The following ANKMY1 variants were observed in gnomAD, a reference collection of about 807,000 sequenced individuals.
ANKMY1 encodes the protein ankyrin repeat and MYND domain-containing protein 1.
In ANKMY1, 98 loss-of-function variants were observed where a neutral mutation model predicts 102.0. That is an observed-to-expected ratio of 0.96 (90% CI 0.82 to 1.14). The LOEUF (loss-of-function observed/expected upper bound fraction) is 1.14. Among genes scored for constraint, ANKMY1 ranks in the 50% most tolerant of loss-of-function variants. The pLI is 0.00. For synonymous variants in ANKMY1, 582 were observed against 559.9 expected, an observed-to-expected ratio of 1.04 and a Z score of -0.56; for missense variants, 1,330 against 1,347.6, an observed-to-expected ratio of 0.99 and a Z score of 0.20.
chr2:240,559,514 T>C (rs2092755838), upstream of ANKMY1, among the ~76,000 whole-genome samples: 1 of 152,176 alleles, frequency 6.6e-6, no homozygotes, highest in Non-Finnish European at 1.5e-5. Context: ...GCCTTCACTT[T>C]TGGCCAGAGA....
At chr2:240,555,127 C>T in intron 2 of ANKMY1, 72 bp from the exon 3 acceptor site, 2 of 1,496,672 alleles carry the variant, frequency 1.3e-6, no homozygotes, top group South Asian at 1.2e-5. Context: ...TGAGCACAAC[C>T]CCCGAGCACA....
intron 9 of ANKMY1, among the ~76,000 whole-genome samples, chr2:240,516,409 C>G: frequency 6.6e-6 from 1 of 152,058 alleles, no homozygotes; most frequent in Non-Finnish European, 1.5e-5. Context: ...TTGTCAAATG[C>G]AAAGTGGTGT....
In ANKMY1 at chr2:240,557,953, G is replaced by C. The variant is rs952017353; in HGVS notation, c.-90C>G. On this transcript the variant is annotated 5_prime_UTR_variant, in exon 1 of 18. Coordinates refer to ENST00000401804, the MANE Select transcript of ANKMY1 (RefSeq NM_001282771.3). ...GACTGCAGCCACCGCGGACGCCCGCGCTCCCGTCCCGACTGCTTGCCAGCC... is the reference window on the plus strand; with the variant it reads ...GACTGCAGCCACCGCGGACGCCCGCCCTCCCGTCCCGACTGCTTGCCAGCC... The C allele has an allele frequency of 3.0e-5, 30 of 985,640 alleles. No homozygotes were observed. Among genetic ancestry groups the C allele is most frequent in the Non-Finnish European group, 3.6e-5 (30 of 830,080 alleles). 61.1% of individuals were successfully genotyped at this position (985,640 alleles called of 1,614,324 possible).
chr2:240,512,950 G>A lies in ANKMY1; in HGVS notation c.2005-8C>T, dbSNP rs1288062901. 6 of 1,610,276 alleles carry A rather than the reference G, an allele frequency of 3.7e-6. No individual in the cohort carries two copies. The highest frequency in any genetic ancestry group is 5.1e-6 in the Non-Finnish European group (6 of 1,177,820). On this transcript the variant is annotated splice_region_variant and splice_polypyrimidine_tract_variant and intron_variant, in intron 9 of 17. Transcript: ENST00000401804. Reference sequence around the variant, plus strand: ...TGGTGTCAGGGTGCTCAGCTGCAGAGGAAACACCGGGGCGGGCAGTGAGGC... The same window carrying A: ...TGGTGTCAGGGTGCTCAGCTGCAGAAGAAACACCGGGGCGGGCAGTGAGGC...
rs1380030982 is a variant in ANKMY1 at position 240,483,139 on chromosome 2, TTGTC to T, written c.2807-882_2807-879del. ...CATGTTAGTTTTTCATCCTTTTACT[TTGTC>T]TGTTTGTATCATCGAATTTTTTTTT... On this transcript the variant is annotated intron_variant, in intron 15 of 17. Transcript: ENST00000401804. Among the ~76,000 whole-genome samples, 14 of 152,244 alleles carry T rather than the reference TTGTC, an allele frequency of 9.2e-5. No individual in the cohort carries two copies. The East Asian group carries it at 2.5e-3, about 27-fold the overall frequency.
At chr2:240,547,106 T>G (rs1268481893) in intron 4 of ANKMY1, among the ~76,000 whole-genome samples, 2 of 152,146 alleles carry the variant, frequency 1.3e-5, no homozygotes, top group Admixed American at 1.3e-4. Flanking sequence ...ACCACATACT[T>G]GGAAGTAAAG....
chr2:240,511,894 C>A lies in ANKMY1; in HGVS notation c.2253G>T (p.Leu751=). The A allele has an allele frequency of 6.3e-7, 1 of 1,591,122 alleles. No homozygotes were observed. The highest frequency in any genetic ancestry group is 8.5e-7 in the Non-Finnish European group (1 of 1,174,488). The part of the protein sequence containing the change: ...ALPEEGGRTA[L]HMACEREDDN... ...CATCCTCCCGCTCGCAGGCCATGTG[C>A]AGAGCCGTCCTGCCCCCCTCCTCCG... Residue 751 remains leucine (L), a synonymous_variant, in exon 11 of 18, where the codon CTG becomes CTT. Coordinates refer to ENST00000401804, the MANE Select transcript of ANKMY1 (RefSeq NM_001282771.3).
chr2:240,486,074 T>C (rs1335884100), intron 15 of ANKMY1, among the ~76,000 whole-genome samples: 2 of 152,234 alleles, frequency 1.3e-5, no homozygotes, highest in Non-Finnish European at 2.9e-5. Flanking sequence ...TATAATTTTA[T>C]GTATTCTAAA....
chr2:240,543,271 T>C (rs2089468932), intron 4 of ANKMY1, among the ~76,000 whole-genome samples: 2 of 151,114 alleles, frequency 1.3e-5, no homozygotes, highest in Non-Finnish European at 1.5e-5. Context: ...GAGAATGGCA[T>C]GAACCTGGGA....
the ANKMY1 span, among the ~76,000 whole-genome samples, chr2:240,468,641 C>T: frequency 1.3e-5 from 2 of 152,326 alleles, no homozygotes; most frequent in East Asian, 1.9e-4. Flanking sequence ...CTGGGTGTGT[C>T]CCTCAACTGC....
intron 7 of ANKMY1, among the ~76,000 whole-genome samples, chr2:240,525,119 C>T (rs2083089995): frequency 6.6e-6 from 1 of 152,270 alleles, no homozygotes; most frequent in Non-Finnish European, 1.5e-5. Context: ...GTCCTAGTTC[C>T]TGTTTTCTTA....
chr2:240,511,898 G>T lies in ANKMY1; in HGVS notation c.2249C>A (p.Ala750Asp). The stretch of plus-strand genomic sequence containing the variant: ...CTCCCGCTCGCAGGCCATGTGCAGA[G>T]CCGTCCTGCCCCCCTCCTCCGGGAG... ...TALPEEGGRTALHMACEREDD... is the reference protein window; with the variant it reads ...TALPEEGGRTDLHMACEREDD... The change falls in exon 11 of 18, where the codon GCT (alanine) becomes GAT (aspartate). Residue 750 changes from alanine to aspartate, a missense_variant. Coordinates refer to ENST00000401804, the MANE Select transcript of ANKMY1 (RefSeq NM_001282771.3). 6.3e-7 allele frequency: 1 copy of T among 1,591,050 alleles called. No individual in the cohort carries two copies.
chr2:240,545,474 C>T (rs1053023811), intron 4 of ANKMY1, among the ~76,000 whole-genome samples: 8 of 152,252 alleles, frequency 5.3e-5, no homozygotes, highest in Non-Finnish European at 7.3e-5. Flanking sequence ...CAAAGGAACG[C>T]AGTTCCTCAC....
intron 7 of ANKMY1, among the ~76,000 whole-genome samples, chr2:240,524,650 G>C (rs927692854): frequency 2.0e-5 from 3 of 152,236 alleles, no homozygotes; most frequent in African/African-American, 7.2e-5. Flanking sequence ...TGGCCTGTCC[G>C]CACCCAGGTG....
chr2:240,560,597 C>T, upstream of ANKMY1: 1 of 1,330,446 alleles, frequency 7.5e-7, no homozygotes. Flanking sequence ...GGCGGCCCGC[C>T]CGGCTCCCAC....
upstream of ANKMY1, chr2:240,560,897 C>A: frequency 6.6e-7 from 1 of 1,521,826 alleles, no homozygotes; most frequent in Non-Finnish European, 8.7e-7. Context: ...TGCCCGTGTT[C>A]GACGACCCGG....
rs1041203614 is a variant in ANKMY1 at position 240,492,970 on chromosome 2, G to A, written c.2806+6988C>T. On this transcript the variant is annotated intron_variant, in intron 15 of 17. Transcript: ENST00000401804. ...CTCCCAATGTTGGGATTACAGGCGTGAGCCACCTCACCTGGCCTAAAAATC... is the reference window on the plus strand; with the variant it reads ...CTCCCAATGTTGGGATTACAGGCGTAAGCCACCTCACCTGGCCTAAAAATC... 3.3e-5 allele frequency among the ~76,000 whole-genome samples: 5 copies of A among 152,256 alleles called. No homozygotes were observed. In the East Asian group the frequency reaches 5.8e-4, roughly 18 times the overall value.
chr2:240,560,167 G>T (rs1347951073), upstream of ANKMY1: 1 of 152,892 alleles, frequency 6.5e-6, no homozygotes, highest in Non-Finnish European at 1.5e-5. Flanking sequence ...AGGAATAAAC[G>T]TAAAGCCGAC....
intron 15 of ANKMY1, among the ~76,000 whole-genome samples, chr2:240,495,204 T>TCAGTGC (rs2077094813): frequency 6.6e-6 from 1 of 151,988 alleles, no homozygotes; most frequent in Admixed American, 6.6e-5. Context: ...AGCGGTAGTG[T>TCAGTGC]CAGTGCCAAG....
Sources: allele counts gnomAD v4.1 joint callset (sites outside exome capture counted in the v4.1 genomes callset), GRCh38; gene constraint gnomAD v4.1.1; transcripts MANE v1.5; gene names NCBI Gene and HGNC (gene_info 2026-07-23, HGNC 2026-07-21).